Variants in GLG1 observed in about 807,000 individuals in gnomAD.
The protein encoded by GLG1 is Golgi apparatus protein 1.
In GLG1, 38 loss-of-function variants were observed where a neutral mutation model predicts 160.5. The observed-to-expected ratio is 0.24, with a 90% CI of 0.18 to 0.31. GLG1 has a LOEUF of 0.31. GLG1 is among the 10% of genes least tolerant of loss of function. The pLI is 1.00. For missense variants in GLG1, 1,373 were observed against 1,505.2 expected (o/e 0.91, Z 1.45); for synonymous variants, 644 against 543.4 (o/e 1.19, Z -2.57).
At chr16:74,575,153 A>G (rs912767887) in intron 1 of GLG1, among the ~76,000 whole-genome samples, 2 of 151,146 alleles carry the variant, frequency 1.3e-5, no homozygotes, top group Non-Finnish European at 3.0e-5. Context: ...AGGCTGAGGC[A>G]GGGAATTACT....
rs2014636807 is a variant in GLG1, at chr16:74,458,173, A to T, written c.3145-179T>A. The stretch of plus-strand genomic sequence containing the variant: ...TACAGAATGCAGAATTTAATTGAGT[A>T]ACTAACTACTTTTAGGGATACAAAA... On this transcript the variant is annotated intron_variant, in intron 23 of 25. Transcript: ENST00000422840. The T allele has an allele frequency of 7.6e-6, 4 of 528,884 alleles. No individual in the cohort carries two copies. In the South Asian group the frequency reaches 1.2e-4, roughly 16 times the overall value. 32.8% of individuals were successfully genotyped at this position (528,884 alleles called of 1,614,324 possible).
At chr16:74,548,446 A>C in intron 1 of GLG1, among the ~76,000 whole-genome samples, 1 of 152,218 alleles carries the variant, frequency 6.6e-6, no homozygotes, top group East Asian at 1.9e-4. Context: ...ATATTTAAGA[A>C]AGTTCTTTGA....
chr16:74,457,671 C>G (rs934583682), intron 24 of GLG1, among the ~76,000 whole-genome samples: 2 of 152,198 alleles, frequency 1.3e-5, no homozygotes, highest in Non-Finnish European at 2.9e-5. Context: ...AAGGCCAGTT[C>G]AAACTCGCAG....
chr16:74,534,069 A>C (rs1053789183), intron 1 of GLG1, among the ~76,000 whole-genome samples: 1 of 152,168 alleles, frequency 6.6e-6, no homozygotes, highest in Non-Finnish European at 1.5e-5. Context: ...ACTCATTTTT[A>C]TACTTACAAC....
chr16:74,546,621 T>G (rs2018053296), intron 1 of GLG1, among the ~76,000 whole-genome samples: 3 of 151,138 alleles, frequency 2.0e-5, no homozygotes, highest in African/African-American at 4.9e-5. Context: ...GCGGATCACC[T>G]CAGGTCAGGA....
rs1567472246 is a variant in GLG1 at position 74,483,029 on chromosome 16, T to A, written c.1667A>T (p.Asp556Val). The A allele has an allele frequency of 6.4e-7, 1 of 1,572,468 alleles. No individual in the cohort carries two copies. The highest frequency in any genetic ancestry group is 1.7e-5 in the Admixed American group (1 of 59,930). The change falls in exon 10 of 26, where the codon GAT becomes GTT. Residue 556 changes from aspartate to valine, a missense_variant. Transcript: ENST00000422840. ...LLELQYFISR[D>V]WKLDPVLYRK... ...TTGGCTTCAAAATACTCACTTCCAA[T>A]CCCGGGAGATGAAATACTGCAGCTC...
At chr16:74,584,306 T>C (rs1251350967) in intron 1 of GLG1, among the ~76,000 whole-genome samples, 2 of 152,222 alleles carry the variant, frequency 1.3e-5, no homozygotes, top group Non-Finnish European at 2.9e-5. Flanking sequence ...CTGTTTTCTT[T>C]GACTCTCCTT....
rs372674167 is a variant in GLG1 at position 74,549,895 on chromosome 16, C to T, written c.439-17742G>A. On this transcript the variant is annotated intron_variant, in intron 1 of 25. Coordinates refer to ENST00000422840, the MANE Select transcript of GLG1 (RefSeq NM_001145667.2). The stretch of plus-strand genomic sequence containing the variant: ...GTAGGAGGCTAAGGCAGGGGGATCA[C>T]TCAAGCCCAGGTGTTCAAGACCAGC... Among the ~76,000 whole-genome samples the T allele has an allele frequency of 5.5e-4, 84 of 152,074 alleles. No individual in the cohort carries two copies. In the East Asian group the frequency reaches 0.013, roughly 24 times the overall value.
intron 2 of GLG1, among the ~76,000 whole-genome samples, chr16:74,531,279 T>C (rs554603035): frequency 1.7e-4 from 26 of 152,246 alleles, no homozygotes; most frequent in East Asian, 1.2e-3. Context: ...TTGCCACATA[T>C]AGATGCCTCT....
At chr16:74,570,684 T>C (rs1361657280) in intron 1 of GLG1, among the ~76,000 whole-genome samples, 2 of 152,018 alleles carry the variant, frequency 1.3e-5, no homozygotes, top group Non-Finnish European at 2.9e-5. Context: ...TCACTTGAGA[T>C]CAGGAGTTTG....
chr16:74,472,454 G>C lies in GLG1; in HGVS notation c.2053-43C>G, dbSNP rs773618466. ...TATTAATACTTCTGCTTTAGAAAGA[G>C]CCAGGGTGGAGGAGGAGCAGTTTCT... On this transcript the variant is annotated intron_variant, in intron 13 of 25. Coordinates refer to ENST00000422840, the MANE Select transcript of GLG1 (RefSeq NM_001145667.2). The C allele has an allele frequency of 4.1e-6, 6 of 1,472,102 alleles. No homozygotes were observed. The South Asian group carries it at 7.0e-5, about 17-fold the overall frequency. The allele number at this position is 1,472,102 out of a possible 1,614,324, so 91.2% of individuals were successfully genotyped here.
In GLG1 at chr16:74,573,765, T is replaced by C. The variant is rs1461891333; in HGVS notation, c.438+32892A>G. 2.0e-5 allele frequency among the ~76,000 whole-genome samples: 3 copies of C among 151,350 alleles called. No individual in the cohort carries two copies. In the East Asian group the frequency reaches 5.9e-4, roughly 30 times the overall value. ...GGCCTCCCAAAGAGCTGGGATTACA[T>C]GTGTGAGCCACCTGGCCCAGCCTAT... On this transcript the variant is annotated intron_variant, in intron 1 of 25. Transcript: ENST00000422840.
chr16:74,503,640 T>G lies in GLG1; in HGVS notation c.665A>C (p.Lys222Thr), dbSNP rs2143458414. The G allele has an allele frequency of 6.2e-7, 1 of 1,612,810 alleles. No individual in the cohort carries two copies. Among genetic ancestry groups the G allele is most frequent in the East Asian group, 2.2e-5 (1 of 44,868 alleles). Reference sequence around the variant, plus strand: ...ATCACTAAAAATGATGGCCGTCATCTTGGTAATGTACTGGTGACACTGATA... The same window carrying G: ...ATCACTAAAAATGATGGCCGTCATCGTGGTAATGTACTGGTGACACTGATA... ...TEYQCHQYITKMTAIIFSDYR... is the reference protein window; with the variant it reads ...TEYQCHQYITTMTAIIFSDYR... The change falls in exon 4 of 26, where the codon AAG becomes ACG. Residue 222 changes from lysine to threonine, a missense_variant. Physicochemically the swap from Lys to Thr is moderately conservative, Grantham distance 78 (BLOSUM62 -1). Transcript: ENST00000422840.
chr16:74,535,303 G>T (rs1020007084), intron 1 of GLG1, among the ~76,000 whole-genome samples: 5 of 152,252 alleles, frequency 3.3e-5, no homozygotes, highest in African/African-American at 1.2e-4. Context: ...GAGCACTACT[G>T]TACCTTTCAT....
intron 25 of GLG1, among the ~76,000 whole-genome samples, chr16:74,454,571 C>A (rs1408129999): frequency 7.5e-6 from 1 of 134,216 alleles, no homozygotes; most frequent in Non-Finnish European, 1.5e-5. Context: ...GAGGCTGAGG[C>A]AGGATAATTG....
chr16:74,504,610 G>C (rs929730378), intron 3 of GLG1, among the ~76,000 whole-genome samples: 14 of 152,168 alleles, frequency 9.2e-5, no homozygotes, highest in Admixed American at 2.6e-4. Flanking sequence ...TGACATTAAT[G>C]TGTTCTAAAT....
chr16:74,603,408 C>CAA (rs66587758), intron 1 of GLG1, among the ~76,000 whole-genome samples: 1 of 128,954 alleles, frequency 7.8e-6, no homozygotes, highest in East Asian at 2.2e-4. Flanking sequence ...GACTCCGTCT[C>CAA]AAAAAAAAAA....
Position 74,581,861 on chromosome 16 carries a change from G to A in GLG1, c.438+24796C>T, listed in dbSNP as rs187281665. ...TGGGAGGCAGAGGTCACAGTGAGTC[G>A]AGATAGCGTTACTGCACTCCAGCCC... is the stretch of plus-strand genomic sequence containing the variant. On this transcript the variant is annotated intron_variant, in intron 1 of 25. Transcript: ENST00000422840. 8.3e-4 allele frequency among the ~76,000 whole-genome samples: 127 copies of A among 152,270 alleles called. 1 individual carries two copies. The highest frequency in any genetic ancestry group is 7.5e-3 in the Admixed American group (114 of 15,278).
intron 1 of GLG1, among the ~76,000 whole-genome samples, chr16:74,590,948 A>T (rs939782821): frequency 9.6e-6 from 1 of 103,958 alleles, no homozygotes; most frequent in African/African-American, 3.1e-5. Context: ...CTTTCTTGTT[A>T]AAAAAAAAAA....
Sources: gnomAD v4.1 joint callset for allele counts (sites outside exome capture counted in the v4.1 genomes callset) on GRCh38, gnomAD v4.1.1 for gene constraint, MANE v1.5 for transcripts, NCBI Gene and HGNC (gene_info 2026-07-23, HGNC 2026-07-21) for gene names.